The following DHX34 variants were observed in gnomAD, a reference collection of about 807,000 sequenced individuals.
DHX34 encodes the protein probable ATP-dependent RNA helicase DHX34.
DHX34 carries 96 observed loss-of-function variants against 111.1 expected under a neutral mutation model. The observed-to-expected ratio is 0.86, with a 90% CI of 0.73 to 1.02. DHX34 has a LOEUF of 1.02. Among genes scored for constraint, DHX34 ranks in the 50% least tolerant of loss-of-function variants. DHX34 has a pLI of 0.00. For missense variants in DHX34, 1,560 were observed against 1,579.9 expected, an observed-to-expected ratio of 0.99 and a Z score of 0.21; for synonymous variants, 688 against 670.4, an observed-to-expected ratio of 1.03 and a Z score of -0.41.
rs755514451 is a variant in DHX34 at position 47,376,424 on chromosome 19, TTC to T, written c.2482-13_2482-12del. The T allele has an allele frequency of 9.3e-6, 15 of 1,606,996 alleles. No homozygotes were observed. Among genetic ancestry groups the T allele is most frequent in the Non-Finnish European group, 1.3e-5 (15 of 1,177,438 alleles). On this transcript the variant is annotated splice_polypyrimidine_tract_variant and intron_variant, in intron 11 of 16. Coordinates refer to ENST00000328771, the MANE Select transcript of DHX34 (RefSeq NM_014681.6). Reference sequence around the variant, plus strand: ...GAGAGCAGATAGGAGGGCTTGTGCTTTCTCTCTGTCCTCCGCAGATTTTCCAC... The same window carrying T: ...GAGAGCAGATAGGAGGGCTTGTGCTTTCTCTGTCCTCCGCAGATTTTCCAC...
chr19:47,368,612 A>ATGTGTG (rs374912105), intron 7 of DHX34, among the ~76,000 whole-genome samples: 8 of 141,590 alleles, frequency 5.7e-5, no homozygotes, highest in Non-Finnish European at 1.2e-4. Flanking sequence ...GGTCCATTGA[A>ATGTGTG]TGTGTGTGTG....
chr19:47,381,008 C>G lies in DHX34; in HGVS notation c.3159+16C>G. 2 of 1,551,292 alleles carry G rather than the reference C, an allele frequency of 1.3e-6. No individual in the cohort carries two copies. Among genetic ancestry groups the G allele is most frequent in the Non-Finnish European group, 8.7e-7 (1 of 1,148,392 alleles). On this transcript the variant is annotated intron_variant, in intron 15 of 16. Transcript: ENST00000328771. The stretch of plus-strand genomic sequence containing the variant: ...CTGCCTCACGGTAAGCATGAACCCT[C>G]CTTCCCTGAAGGTGGGATTTCAGGA...
chr19:47,365,342 C>A (rs1191032357), intron 6 of DHX34, among the ~76,000 whole-genome samples: 1 of 152,002 alleles, frequency 6.6e-6, no homozygotes, highest in East Asian at 1.9e-4. Flanking sequence ...ACCTCCACCT[C>A]CCAGGCTCAA....
chr19:47,356,861 G>A (rs2122228481), intron 3 of DHX34, among the ~76,000 whole-genome samples: 1 of 152,256 alleles, frequency 6.6e-6, no homozygotes, highest in South Asian at 2.1e-4. Flanking sequence ...GCTGAGGTGG[G>A]AGAATTGCTT....
At position 47,377,761 on chromosome 19, in the gene DHX34, CAG is replaced by C. The variant is rs1305511822; in HGVS notation, c.2706+558_2706+559del. ...GGGAGACAGGACCCTGGGGACTTCT[CAG>C]AGCTGGGACAGGGTCCCAGCCAGGA... On this transcript the variant is annotated intron_variant, in intron 13 of 16. Coordinates refer to ENST00000328771, the MANE Select transcript of DHX34 (RefSeq NM_014681.6). Among the ~76,000 whole-genome samples, 6 of 68,082 alleles carry C rather than the reference CAG, an allele frequency of 8.8e-5. No individual in the cohort carries two copies. In the African/African-American group the frequency reaches 2.0e-3, roughly 23 times the overall value. The allele number at this position is 68,082 out of a possible 152,430, so 44.7% of individuals were successfully genotyped here. A position where few individuals can be genotyped will look rare whatever the true frequency, so the allele number is the denominator to read the frequency against.
Position 47,372,762 on chromosome 19 carries a change from C to T in DHX34, c.1801C>T (p.Leu601=), listed in dbSNP as rs758636977. 6.2e-7 allele frequency: 1 copy of T among 1,612,036 alleles called. No individual in the cohort carries two copies. Among genetic ancestry groups the T allele is most frequent in the East Asian group, 2.2e-5 (1 of 44,806 alleles). The change falls in exon 8 of 17, where the codon CTG becomes TTG. Residue 601 remains leucine (L), a synonymous_variant. Transcript: ENST00000328771. ...KMLILGSMFS[L]VEPVLTIAAA... is the part of the protein sequence containing the mutation. ...GCTGATCCTGGGCTCCATGTTCAGC[C>T]TGGTGGAGCCTGTGCTCACCATCGC...
In DHX34 at chr19:47,376,094, C is replaced by T. The variant is rs1970146737; in HGVS notation, c.2478C>T (p.Asp826=). 1.3e-6 allele frequency: 2 copies of T among 1,554,638 alleles called. No individual in the cohort carries two copies. Among genetic ancestry groups the T allele is most frequent in the South Asian group, 1.2e-5 (1 of 84,246 alleles). ...DAFNSSRKDS[D]QIFHTQAKQG... is the part of the protein sequence containing the mutation. ...TCAACAGCAGCCGAAAGGACTCAGA[C>T]CAGGTGGGGCCTGTTCTGCCCCATC... is the stretch of plus-strand genomic sequence containing the variant. Residue 826 remains aspartate, a synonymous_variant, in exon 11 of 17, where the codon GAC becomes GAT. Transcript: ENST00000328771.
chr19:47,359,848 G>T, intron 4 of DHX34, 120 bp from the exon 5 acceptor site: 3 of 1,552,064 alleles, frequency 1.9e-6, no homozygotes, highest in Middle Eastern at 1.7e-4. Context: ...CAAAAGGGAG[G>T]TCTCTGAAGG....
In DHX34 at chr19:47,376,108, T is replaced by C; in HGVS notation, c.2481+11T>C. On this transcript the variant is annotated intron_variant, in intron 11 of 16. Transcript: ENST00000328771. ...AAGGACTCAGACCAGGTGGGGCCTG[T>C]TCTGCCCCATCCTATGTTTTGTCCT... 1 of 1,541,250 alleles carries C rather than the reference T, an allele frequency of 6.5e-7. No individual in the cohort carries two copies. Among genetic ancestry groups the C allele is most frequent in the Non-Finnish European group, 8.7e-7 (1 of 1,146,282 alleles).
At position 47,355,367 on chromosome 19, in the gene DHX34, C is replaced by T. The variant is rs781476592; in HGVS notation, c.1017+17C>T. ...CCCATCACGGTGAGTACTTCCCCCT[C>T]CTCCCACATCCCCAGACCTCCAACC... On this transcript the variant is annotated intron_variant, in intron 3 of 16. Coordinates refer to ENST00000328771, the MANE Select transcript of DHX34 (RefSeq NM_014681.6). 2.5e-6 allele frequency: 4 copies of T among 1,604,100 alleles called. No individual in the cohort carries two copies. Among genetic ancestry groups the T allele is most frequent in the Admixed American group, 1.7e-5 (1 of 59,790 alleles).
intron 6 of DHX34, among the ~76,000 whole-genome samples, chr19:47,365,362 C>T (rs1356642226): frequency 6.6e-6 from 1 of 152,054 alleles, no homozygotes; most frequent in African/African-American, 2.4e-5. Flanking sequence ...AGTGGTTCTC[C>T]TGCCTTGGCC....
chr19:47,381,330 C>A lies in DHX34; in HGVS notation c.3298+6C>A. 1 of 1,611,856 alleles carries A rather than the reference C, an allele frequency of 6.2e-7. No homozygotes were observed. The highest frequency in any genetic ancestry group is 8.5e-7 in the Non-Finnish European group (1 of 1,178,700). On this transcript the variant is annotated splice_donor_region_variant and intron_variant, in intron 16 of 16. Coordinates refer to ENST00000328771, the MANE Select transcript of DHX34 (RefSeq NM_014681.6). ...CCCACAGGATGGGCCCCCAGGTAAG[C>A]ACAGGACTGTGGGGACCCGGCCACC...
At chr19:47,378,998 G>A (rs772710143) in intron 13 of DHX34, among the ~76,000 whole-genome samples, 7 of 151,714 alleles carry the variant, frequency 4.6e-5, no homozygotes, top group Admixed American at 2.0e-4. Flanking sequence ...GGTGGGTGGC[G>A]CGTGCCTGTA....
At chr19:47,379,144 T>A (rs1035408117) in intron 13 of DHX34, among the ~76,000 whole-genome samples, 10 of 105,636 alleles carry the variant, frequency 9.5e-5, no homozygotes, top group Non-Finnish European at 1.6e-4. Flanking sequence ...ATAAATAAAT[T>A]AATAATAATA....
Position 47,352,765 on chromosome 19 carries a change from T to C in DHX34, c.-266T>C. 1.9e-6 allele frequency: 1 copy of C among 514,618 alleles called. No homozygotes were observed. Among genetic ancestry groups the C allele is most frequent in the Non-Finnish European group, 3.3e-6 (1 of 303,586 alleles). The allele number at this position is 514,618 out of a possible 1,614,324, so 31.9% of individuals were successfully genotyped here. A position where few individuals can be genotyped will look rare whatever the true frequency, so the allele number is the denominator to read the frequency against. ...TTCTCTCTCTTAAGAATCCAGGGCC[T>C]GAAAACCCAGAATGAACTTGTGTCC... On this transcript the variant is annotated 5_prime_UTR_variant, in exon 2 of 17. Transcript: ENST00000328771.
At chr19:47,381,902 A>G (rs2122394474) in intron 16 of DHX34, 78 bp from the exon 17 acceptor site, 1 of 1,597,916 alleles carries the variant, frequency 6.3e-7, no homozygotes, top group Non-Finnish European at 8.5e-7. Flanking sequence ...TGAGCCCCAC[A>G]GGTGCCTGGC....
In DHX34 at chr19:47,352,870, G is replaced by C; in HGVS notation, c.-161G>C. On this transcript the variant is annotated 5_prime_UTR_variant, in exon 2 of 17. Coordinates refer to ENST00000328771, the MANE Select transcript of DHX34 (RefSeq NM_014681.6). ...CAGGCCTCTGGCCACTTTATCATCTGTGGTGGTCCTGTGCCGTGACCAGGA... is the reference window on the plus strand; with the variant it reads ...CAGGCCTCTGGCCACTTTATCATCTCTGGTGGTCCTGTGCCGTGACCAGGA... The C allele has an allele frequency of 7.1e-7, 1 of 1,406,924 alleles. No individual in the cohort carries two copies. Among genetic ancestry groups the C allele is most frequent in the South Asian group, 1.5e-5 (1 of 65,168 alleles). 87.2% of individuals were successfully genotyped at this position (1,406,924 alleles called of 1,614,324 possible). A position where few individuals can be genotyped will look rare whatever the true frequency, so the allele number is the denominator to read the frequency against.
intron 9 of DHX34, among the ~76,000 whole-genome samples, chr19:47,374,856 G>A (rs757890518): frequency 6.6e-6 from 1 of 152,164 alleles, no homozygotes; most frequent in Admixed American, 6.5e-5. Flanking sequence ...ACACATGCAC[G>A]CACAATCTCC....
intron 16 of DHX34, chr19:47,381,707 C>A: frequency 1.3e-6 from 1 of 763,566 alleles, no homozygotes; most frequent in Non-Finnish European, 2.0e-6. Context: ...AGCACTGGGG[C>A]CACATGCCTC....
Sources: allele counts gnomAD v4.1 joint callset (sites outside exome capture counted in the v4.1 genomes callset), GRCh38; gene constraint gnomAD v4.1.1; transcripts MANE v1.5; gene names NCBI Gene and HGNC (gene_info 2026-07-23, HGNC 2026-07-21).